NDC1: variants seen among roughly 807,000 people sequenced by gnomAD.
NDC1 encodes the protein NDC1 transmembrane nucleoporin.
A neutral mutation model predicts 89.8 loss-of-function variants in NDC1; 24 were observed. That is an observed-to-expected ratio of 0.27 (90% CI 0.19 to 0.38). The LOEUF (loss-of-function observed/expected upper bound fraction) is 0.38, where lower values mean the gene tolerates loss of function less well. NDC1 is among the 10% of genes least tolerant of loss of function. The pLI, the probability that NDC1 is intolerant of heterozygous loss-of-function variation, is 1.00. For synonymous variants in NDC1, 296 were observed against 284.8 expected, an observed-to-expected ratio of 1.04 and a Z score of -0.39; for missense variants, 728 against 797.6, an observed-to-expected ratio of 0.91 and a Z score of 1.05.
chr1:53,818,902 G>T, intron 6 of NDC1, 69 bp downstream of exon 6: 1 of 709,400 alleles, frequency 1.4e-6, no homozygotes, highest in South Asian at 1.8e-5. Flanking sequence ...ACACAAGAAT[G>T]ACTTTGTAAC....
chr1:53,776,568 T>G (rs1309667546), intron 16 of NDC1, among the ~76,000 whole-genome samples: 2 of 152,230 alleles, frequency 1.3e-5, no homozygotes, highest in Non-Finnish European at 2.9e-5. Context: ...TCAGAAAATA[T>G]AAGATTACAT....
intron 7 of NDC1, among the ~76,000 whole-genome samples, chr1:53,809,036 C>T (rs1196638601): frequency 1.3e-5 from 2 of 152,202 alleles, no homozygotes; most frequent in Non-Finnish European, 2.9e-5. Context: ...TAGAAGATTA[C>T]TACAACAATA....
chr1:53,771,479 G>A (rs903144253), intron 17 of NDC1, among the ~76,000 whole-genome samples: 1 of 152,172 alleles, frequency 6.6e-6, no homozygotes, highest in Non-Finnish European at 1.5e-5. Context: ...GTATTGTCTA[G>A]AATAGCACTA....
intron 3 of NDC1, among the ~76,000 whole-genome samples, chr1:53,831,634 C>T (rs561729624): frequency 1.9e-4 from 29 of 151,620 alleles, no homozygotes; most frequent in African/African-American, 7.0e-4. Flanking sequence ...GATCGCACCA[C>T]TGCACTCTAG....
At chr1:53,784,202 A>G (rs1412130007) in intron 16 of NDC1, among the ~76,000 whole-genome samples, 2 of 149,136 alleles carry the variant, frequency 1.3e-5, no homozygotes, top group Non-Finnish European at 3.0e-5. Flanking sequence ...TACTGTTCCA[A>G]GAATCCTTTA....
intron 16 of NDC1, among the ~76,000 whole-genome samples, chr1:53,778,268 CA>C (rs1557565058): frequency 2.8e-5 from 4 of 141,372 alleles, no homozygotes; most frequent in African/African-American, 1.0e-4. Flanking sequence ...TATACACACA[CA>C]CACACACACA....
intron 16 of NDC1, among the ~76,000 whole-genome samples, chr1:53,779,371 TAC>T (rs1647186448): frequency 6.6e-6 from 1 of 152,114 alleles, no homozygotes; most frequent in Non-Finnish European, 1.5e-5. Flanking sequence ...TTTTTTTTTT[TAC>T]ATTTTATACT....
intron 5 of NDC1, among the ~76,000 whole-genome samples, chr1:53,820,188 G>A (rs551591359): frequency 8.6e-5 from 13 of 151,868 alleles, no homozygotes; most frequent in Non-Finnish European, 1.5e-4. Flanking sequence ...CCAGGAGGCA[G>A]AGGTTGCAGT....
chr1:53,796,474 A>T (rs1019727970), intron 13 of NDC1, among the ~76,000 whole-genome samples: 9 of 152,078 alleles, frequency 5.9e-5, no homozygotes, highest in Admixed American at 2.0e-4. Context: ...AAAGAACTCA[A>T]ATATTTCTTA....
In NDC1 at chr1:53,768,011, G is replaced by A. The variant is rs1029795542; in HGVS notation, c.1984C>T (p.His662Tyr). The change falls in exon 18 of 18, where the codon CAT becomes TAT. Residue 662 changes from histidine (H) to tyrosine (Y), a missense_variant. Transcript: ENST00000371429. ...AAGAACTGTTGAAGTCTTTTCTGAT[G>A]TTCTGCAGATGCTTGCACAGCACTA... is the stretch of plus-strand genomic sequence containing the variant. ...HLNAVQASAE[H>Y]QKRLQQFLEF... 1 of 1,608,288 alleles carries A rather than the reference G, an allele frequency of 6.2e-7. No individual in the cohort carries two copies. Among genetic ancestry groups the A allele is most frequent in the South Asian group, 1.1e-5 (1 of 89,990 alleles).
intron 3 of NDC1, among the ~76,000 whole-genome samples, chr1:53,832,265 C>T (rs1180406605): frequency 1.3e-5 from 2 of 151,966 alleles, no homozygotes; most frequent in Non-Finnish European, 1.5e-5. Context: ...CCAGATACCT[C>T]GTATAAGTAG....
chr1:53,792,894 G>A (rs984143290), intron 14 of NDC1, among the ~76,000 whole-genome samples: 8 of 152,236 alleles, frequency 5.3e-5, no homozygotes, highest in Admixed American at 1.3e-4. Context: ...CTAGCAGGAC[G>A]TGAGCCAAGA....
intron 16 of NDC1, among the ~76,000 whole-genome samples, chr1:53,774,321 A>G (rs921839433): frequency 5.9e-5 from 9 of 152,204 alleles, no homozygotes; most frequent in African/African-American, 2.2e-4. Context: ...CTTGGGAAAC[A>G]CTTTTAAAAG....
chr1:53,834,826 G>T (rs1649175476), intron 2 of NDC1, among the ~76,000 whole-genome samples: 1 of 152,102 alleles, frequency 6.6e-6, no homozygotes, highest in Non-Finnish European at 1.5e-5. Context: ...GAACATTTTA[G>T]GCCAGGTGCG....
chr1:53,793,982 CT>C (rs898852301), intron 13 of NDC1, among the ~76,000 whole-genome samples: 33 of 144,992 alleles, frequency 2.3e-4, no homozygotes, highest in Admixed American at 3.4e-4. Flanking sequence ...AAAAAAAAAT[CT>C]TTTTTTTTTT....
At chr1:53,778,258 TATACACACAC>T (rs931826532) in intron 16 of NDC1, among the ~76,000 whole-genome samples, 4 of 122,434 alleles carry the variant, frequency 3.3e-5, no homozygotes, top group African/African-American at 1.1e-4. Context: ...TGTGTGTGTA[TATACACACAC>T]ACACACACAC....
chr1:53,790,435 G>A (rs561307133), intron 14 of NDC1, among the ~76,000 whole-genome samples: 7 of 151,510 alleles, frequency 4.6e-5, no homozygotes, highest in South Asian at 4.2e-4. Context: ...GGCTGGGCGC[G>A]GTGGCTCACG....
Position 53,768,039 on chromosome 1 carries a change from TG to T in NDC1, c.1962-7del. ...CTGCAGATGCTTGCACAGCACTAAA[TG>T]AAACATAAATTCAAAGCATAAGCTT... On this transcript the variant is annotated splice_region_variant and splice_polypyrimidine_tract_variant and intron_variant, in intron 17 of 17. Transcript: ENST00000371429. 6.3e-7 allele frequency: 1 copy of T among 1,592,880 alleles called. No homozygotes were observed. The highest frequency in any genetic ancestry group is 8.6e-7 in the Non-Finnish European group (1 of 1,168,980).
At chr1:53,796,828 A>C in intron 12 of NDC1, 24 bp from the exon 13 acceptor site, 1 of 1,602,864 alleles carries the variant, frequency 6.2e-7, no homozygotes, top group Non-Finnish European at 8.5e-7. Context: ...AGAAAAGGCA[A>C]GATAAGAACT....
Sources: allele counts gnomAD v4.1 joint callset (sites outside exome capture counted in the v4.1 genomes callset), GRCh38; gene constraint gnomAD v4.1.1; transcripts MANE v1.5; gene names NCBI Gene and HGNC (gene_info 2026-07-23, HGNC 2026-07-21).